The following CHSY3 variants were observed in gnomAD, a reference collection of about 807,000 sequenced individuals.
The protein encoded by CHSY3 is chondroitin sulfate synthase 3, also known as N-acetylgalactosaminyl-proteoglycan 3-beta-glucuronosyltransferase 3.
In CHSY3, 35 loss-of-function variants were observed where a neutral mutation model predicts 67.2. That is an observed-to-expected ratio of 0.52 (90% CI 0.40 to 0.69). The LOEUF (loss-of-function observed/expected upper bound fraction) is 0.69, where lower values mean the gene tolerates loss of function less well. Ranked by LOEUF, CHSY3 falls within the 30% of genes least tolerant of loss-of-function variation. The pLI is 0.00. For synonymous variants in CHSY3, 474 were observed against 434.7 expected (o/e 1.09, Z -1.12); for missense variants, 1,069 against 1,138.5 (o/e 0.94, Z 0.88).
rs190955459 is a variant in CHSY3 at position 129,975,473 on chromosome 5, A to C, written c.1086+67113A>C. Among the ~76,000 whole-genome samples, 97 of 152,280 alleles carry C rather than the reference A, an allele frequency of 6.4e-4. 1 individual carries two copies. The highest frequency in any genetic ancestry group is 2.3e-3 in the African/African-American group (94 of 41,576). On this transcript the variant is annotated intron_variant, in intron 2 of 2. Transcript: ENST00000305031. ...CTGTCCTAATTTTTAATGTTAATAC[A>C]ATATTTTAATACAATAATGAATTAT...
intron 2 of CHSY3, among the ~76,000 whole-genome samples, chr5:130,096,265 C>T (rs1434829161): frequency 6.6e-6 from 1 of 152,116 alleles, no homozygotes; most frequent in Non-Finnish European, 1.5e-5. Context: ...CTCCTTCTCC[C>T]GGGTTCAAGC....
intron 2 of CHSY3, among the ~76,000 whole-genome samples, chr5:129,921,099 C>T (rs759988820): frequency 2.0e-5 from 3 of 152,178 alleles, no homozygotes; most frequent in East Asian, 1.9e-4. Context: ...AGATTATAGG[C>T]GTGAACCATC....
At chr5:129,932,140 A>G (rs28370929) in intron 2 of CHSY3, among the ~76,000 whole-genome samples, 75,058 of 136,330 alleles carry the variant, frequency 0.55, 21,128 homozygotes, top group Middle Eastern at 0.62. Flanking sequence ...ATATATATAT[A>G]TATGTATATG....
intron 2 of CHSY3, among the ~76,000 whole-genome samples, chr5:130,004,859 A>G (rs1287986121): frequency 1.3e-5 from 2 of 152,162 alleles, no homozygotes. Context: ...CTCACCAAAT[A>G]TGATTATAAT....
intron 2 of CHSY3, among the ~76,000 whole-genome samples, chr5:130,038,287 T>TAA (rs757784758): frequency 6.6e-6 from 1 of 152,150 alleles, no homozygotes; most frequent in Non-Finnish European, 1.5e-5. Context: ...TACCTCTTTA[T>TAA]GTTTCTCTAT....
chr5:129,943,887 C>G (rs1034611351), intron 2 of CHSY3, among the ~76,000 whole-genome samples: 4 of 152,138 alleles, frequency 2.6e-5, no homozygotes, highest in African/African-American at 9.7e-5. Flanking sequence ...GGAAATCTCA[C>G]CAAATTAGAT....
chr5:130,086,601 A>G, intron 2 of CHSY3, among the ~76,000 whole-genome samples: 1 of 152,176 alleles, frequency 6.6e-6, no homozygotes, highest in South Asian at 2.1e-4. Flanking sequence ...CTACGCAAAT[A>G]AACTAGAAAA....
At chr5:130,020,462 T>TATATATATATATATATATATATA (rs1491353527) in intron 2 of CHSY3, among the ~76,000 whole-genome samples, 2 of 15,916 alleles carry the variant, frequency 1.3e-4, no homozygotes, top group African/African-American at 5.3e-4. Flanking sequence ...TATATATATA[T>TATATATATATATATATATATATA]TTTTTTTTTT....
Position 130,029,542 on chromosome 5 carries a change from A to T in CHSY3, c.1086+121182A>T, listed in dbSNP as rs141480056. Among the ~76,000 whole-genome samples the T allele has an allele frequency of 2.6e-4, 39 of 152,204 alleles. No individual in the cohort carries two copies. The South Asian group carries it at 5.0e-3, about 19-fold the overall frequency. ...AAATTTACTGGGTCTCCATGTGTTC[A>T]TGAGGTGTTTGATTTATATATTTAT... On this transcript the variant is annotated intron_variant, in intron 2 of 2. Coordinates refer to ENST00000305031, the MANE Select transcript of CHSY3 (RefSeq NM_175856.5).
At chr5:130,016,701 G>T (rs1219499787) in intron 2 of CHSY3, among the ~76,000 whole-genome samples, 2 of 152,208 alleles carry the variant, frequency 1.3e-5, no homozygotes, top group Admixed American at 6.5e-5. Flanking sequence ...GAGCCACCGT[G>T]CCTGGCCAAT....
chr5:129,959,747 A>G (rs1305294954), intron 2 of CHSY3, among the ~76,000 whole-genome samples: 2 of 152,030 alleles, frequency 1.3e-5, no homozygotes, highest in Admixed American at 1.3e-4. Flanking sequence ...AGCTATAATA[A>G]ATTTGAAATT....
chr5:129,911,438 A>AT (rs1263476617), intron 2 of CHSY3, among the ~76,000 whole-genome samples: 2 of 152,170 alleles, frequency 1.3e-5, no homozygotes, highest in African/African-American at 4.8e-5. Context: ...GAAAGTGGAG[A>AT]TTTTAAGAGT....
At chr5:129,947,479 C>T (rs376961209) in intron 2 of CHSY3, among the ~76,000 whole-genome samples, 16 of 151,962 alleles carry the variant, frequency 1.1e-4, no homozygotes, top group African/African-American at 3.4e-4. Context: ...AAAAATTAGC[C>T]GGGTTTGGTG....
intron 2 of CHSY3, among the ~76,000 whole-genome samples, chr5:130,110,120 T>A (rs1368376536): frequency 1.3e-5 from 2 of 151,866 alleles, no homozygotes; most frequent in African/African-American, 4.8e-5. Flanking sequence ...TGGCTGCTTC[T>A]GAAATTTTTT....
intron 2 of CHSY3, among the ~76,000 whole-genome samples, chr5:129,955,207 A>G (rs540280999): frequency 7.6e-4 from 116 of 152,178 alleles, no homozygotes; most frequent in African/African-American, 2.6e-3. Context: ...TAATTTTTAC[A>G]TAATGACTTT....
chr5:129,907,252 T>C (rs1215573820), intron 1 of CHSY3, among the ~76,000 whole-genome samples: 1 of 152,188 alleles, frequency 6.6e-6, no homozygotes, highest in African/African-American at 2.4e-5. Context: ...CTATTAAGAA[T>C]GAAATGTGTT....
rs73245438 is a variant in CHSY3 at position 130,085,008 on chromosome 5, G to A, written c.1087-99221G>A. 9.6e-3 allele frequency among the ~76,000 whole-genome samples: 1,452 copies of A among 152,002 alleles called. 22 individuals are homozygous for A. The highest frequency in any genetic ancestry group is 0.033 in the African/African-American group (1,371 of 41,502). On this transcript the variant is annotated intron_variant, in intron 2 of 2. Transcript: ENST00000305031. ...GTAGGATTTATGTTTTCATGTTAAC[G>A]CTGGTCAGCTATACCTGAATTCCAA...
At chr5:130,125,651 C>T (rs977607665) in intron 2 of CHSY3, among the ~76,000 whole-genome samples, 1 of 152,168 alleles carries the variant, frequency 6.6e-6, no homozygotes, top group Non-Finnish European at 1.5e-5. Context: ...AATTTAGTCT[C>T]TTGATCCCTA....
At chr5:129,927,415 T>C (rs1370044868) in intron 2 of CHSY3, among the ~76,000 whole-genome samples, 1 of 152,012 alleles carries the variant, frequency 6.6e-6, no homozygotes, top group Non-Finnish European at 1.5e-5. Flanking sequence ...GTTTGTAGAT[T>C]AAAAAATCAA....
Sources: allele counts gnomAD v4.1 joint callset (sites outside exome capture counted in the v4.1 genomes callset), GRCh38; gene constraint gnomAD v4.1.1; transcripts MANE v1.5; gene names NCBI Gene and HGNC (gene_info 2026-07-23, HGNC 2026-07-21).